Variants in TBC1D32 observed in about 807,000 individuals in gnomAD.
TBC1D32 encodes protein broad-minded.
A neutral mutation model predicts 170.3 loss-of-function variants in TBC1D32; 151 were observed. That is an observed-to-expected ratio of 0.89 (90% confidence interval 0.78 to 1.01). The LOEUF (loss-of-function observed/expected upper bound fraction) is 1.01, where lower values mean the gene tolerates loss of function less well. TBC1D32 is among the 50% of genes least tolerant of loss of function. The pLI is 0.00. For missense variants in TBC1D32, 1,464 were observed against 1,457.1 expected, an observed-to-expected ratio of 1.00 and a Z score of -0.08; for synonymous variants, 498 against 488.0, an observed-to-expected ratio of 1.02 and a Z score of -0.27.
intron 30 of TBC1D32, among the ~76,000 whole-genome samples, chr6:121,103,358 G>A (rs190124612): frequency 1.1e-4 from 16 of 151,990 alleles, no homozygotes; most frequent in Admixed American, 9.2e-4. Context: ...TGATAGACTC[G>A]ATTAGGAAAA....
At chr6:121,211,959 G>A (rs1386441715) in intron 21 of TBC1D32, among the ~76,000 whole-genome samples, 1 of 150,312 alleles carries the variant, frequency 6.7e-6, no homozygotes, top group East Asian at 2.0e-4. Context: ...CACTCCCTGT[G>A]TATCTGCTGA....
intron 15 of TBC1D32, among the ~76,000 whole-genome samples, chr6:121,276,157 C>A (rs80009790): frequency 0.032 from 4,715 of 146,468 alleles, 170 homozygotes; most frequent in East Asian, 0.12. Context: ...AACAAAAAAA[C>A]ATCTAACGGA....
At chr6:121,285,113 T>C (rs911061462) in intron 12 of TBC1D32, among the ~76,000 whole-genome samples, 1 of 152,172 alleles carries the variant, frequency 6.6e-6, no homozygotes, top group Non-Finnish European at 1.5e-5. Flanking sequence ...GCTGATTTCA[T>C]AAGGCTCACA....
chr6:121,151,568 G>A (rs1442055279), intron 24 of TBC1D32, among the ~76,000 whole-genome samples: 2 of 152,164 alleles, frequency 1.3e-5, no homozygotes, highest in Non-Finnish European at 2.9e-5. Context: ...TTAATTTTCT[G>A]TCTCGATCAA....
At position 121,334,363 on chromosome 6, in the gene TBC1D32, A is replaced by C. The variant is rs1582500197; in HGVS notation, c.68T>G (p.Val23Gly). Residue 23 changes from valine (V) to glycine (G), a missense_variant, in exon 1 of 32, where the codon GTG becomes GGG. Around this residue, in one of 3 missense-constraint regions of TBC1D32, gnomAD observed 1,363 missense variants for 1,338.1 expected, o/e 1.02. Transcript: ENST00000398212. ...QAMLRRLFQSVKEKITGAPSL... is the reference protein window; with the variant it reads ...QAMLRRLFQSGKEKITGAPSL... ...AGGGGCACCCGTGATTTTCTCCTTCACGCTCTGGAACAACCGCCTCAGCAT... is the reference window on the plus strand; with the variant it reads ...AGGGGCACCCGTGATTTTCTCCTTCCCGCTCTGGAACAACCGCCTCAGCAT... 3.1e-6 allele frequency: 5 copies of C among 1,614,132 alleles called. No individual in the cohort carries two copies. The highest frequency in any genetic ancestry group is 1.3e-5 in the African/African-American group (1 of 75,028).
At chr6:121,334,197 AAATT>A in intron 1 of TBC1D32, 75 bp downstream of exon 1, 1 of 1,194,902 alleles carries the variant, frequency 8.4e-7, no homozygotes, top group Non-Finnish European at 1.2e-6. Flanking sequence ...AACAATAAAT[AAATT>A]AACACTGTTG....
At chr6:121,169,605 A>G (rs565700354) in intron 22 of TBC1D32, among the ~76,000 whole-genome samples, 35 of 152,284 alleles carry the variant, frequency 2.3e-4, no homozygotes, top group African/African-American at 8.4e-4. Context: ...TCATAGTTTC[A>G]GTCAAGGTTT....
chr6:121,304,454 A>G, intron 7 of TBC1D32, 28 bp from the exon 8 acceptor site: 1 of 1,607,110 alleles, frequency 6.2e-7, no homozygotes, highest in Non-Finnish European at 8.5e-7. Context: ...ATAGTTCTCA[A>G]AAAATTAGCA....
At chr6:121,274,399 T>C (rs1801952552) in intron 15 of TBC1D32, among the ~76,000 whole-genome samples, 1 of 150,166 alleles carries the variant, frequency 6.7e-6, no homozygotes, top group Non-Finnish European at 1.5e-5. Context: ...AAATTCAATT[T>C]CAACAGAAAG....
intron 15 of TBC1D32, among the ~76,000 whole-genome samples, chr6:121,272,829 A>C (rs1440606584): frequency 6.6e-6 from 1 of 152,220 alleles, no homozygotes; most frequent in Non-Finnish European, 1.5e-5. Flanking sequence ...CTGCAGTACT[A>C]TTCACAATAG....
At chr6:121,150,651 T>C (rs924044679) in intron 24 of TBC1D32, among the ~76,000 whole-genome samples, 7 of 152,210 alleles carry the variant, frequency 4.6e-5, no homozygotes, top group African/African-American at 1.4e-4. Context: ...TTTTGGTTGG[T>C]AGACTATTAA....
At chr6:121,196,181 C>A (rs1790711093) in intron 22 of TBC1D32, among the ~76,000 whole-genome samples, 1 of 152,162 alleles carries the variant, frequency 6.6e-6, no homozygotes, top group African/African-American at 2.4e-5. Flanking sequence ...GCTTCTTTCC[C>A]CAGCCACCCC....
At chr6:121,274,292 G>A (rs992316784) in intron 15 of TBC1D32, among the ~76,000 whole-genome samples, 14 of 151,356 alleles carry the variant, frequency 9.2e-5, no homozygotes, top group Admixed American at 5.9e-4. Flanking sequence ...AAGATCATGC[G>A]ACTGCACTCC....
intron 22 of TBC1D32, among the ~76,000 whole-genome samples, chr6:121,202,157 T>C (rs773982876): frequency 6.6e-6 from 1 of 150,562 alleles, no homozygotes; most frequent in Non-Finnish European, 1.5e-5. Flanking sequence ...ATAAATGATA[T>C]TTAAAGGCAA....
intron 21 of TBC1D32, among the ~76,000 whole-genome samples, chr6:121,205,866 C>T (rs1374087583): frequency 6.6e-6 from 1 of 152,156 alleles, no homozygotes; most frequent in African/African-American, 2.4e-5. Context: ...GTGCCAGCAG[C>T]TGTCCTAGCA....
intron 15 of TBC1D32, among the ~76,000 whole-genome samples, chr6:121,273,603 T>A (rs538976243): frequency 6.6e-6 from 1 of 151,606 alleles, no homozygotes; most frequent in Non-Finnish European, 1.5e-5. Context: ...AACCTGCACA[T>A]TGTGCACATG....
chr6:121,281,813 A>C, intron 13 of TBC1D32, 127 bp from the exon 14 acceptor site: 1 of 623,804 alleles, frequency 1.6e-6, no homozygotes, highest in South Asian at 3.3e-5. Flanking sequence ...CATACAACTC[A>C]ATATCCAAAG....
intron 26 of TBC1D32, among the ~76,000 whole-genome samples, chr6:121,124,353 T>TAGG (rs1780603266): frequency 4.6e-5 from 7 of 152,180 alleles, no homozygotes; most frequent in Admixed American, 3.3e-4. Context: ...ACATTTTGAG[T>TAGG]ATATTGTCCT....
At chr6:121,101,872 A>T (rs56139973) in intron 30 of TBC1D32, among the ~76,000 whole-genome samples, 41,096 of 151,692 alleles carry the variant, frequency 0.27, 8,456 homozygotes, top group African/African-American at 0.57. Flanking sequence ...CTTAAGCTGA[A>T]AAGCAACTTC....
Sources: gnomAD v4.1 joint callset for allele counts (sites outside exome capture counted in the v4.1 genomes callset) on GRCh38, gnomAD v4.1.1 for gene constraint, gnomAD v4.1.1 regional missense constraint, MANE v1.5 for transcripts, NCBI Gene and HGNC (gene_info 2026-07-23, HGNC 2026-07-21) for gene names.